Variants in EXOC4 observed in about 807,000 individuals in gnomAD.
EXOC4 encodes exocyst complex component 4.
EXOC4 carries 71 observed loss-of-function variants against 107.2 expected under a neutral mutation model. That is an observed-to-expected ratio of 0.66 (90% confidence interval 0.55 to 0.81). The LOEUF is 0.81. EXOC4 is among the 30% of genes least tolerant of loss of function. The pLI is 0.00. For synonymous variants in EXOC4, 456 were observed against 441.2 expected (o/e 1.03, Z -0.42); for missense variants, 1,108 against 1,189.6 (o/e 0.93, Z 1.01).
intron 1 of EXOC4, among the ~76,000 whole-genome samples, chr7:133,255,272 G>A (rs751522576): frequency 3.9e-5 from 6 of 151,966 alleles, no homozygotes; most frequent in South Asian, 2.1e-4. Flanking sequence ...CGCCTCCCAG[G>A]TTCAAGTGAT....
At chr7:133,776,600 A>G (rs1032850205) in intron 10 of EXOC4, among the ~76,000 whole-genome samples, 16 of 152,156 alleles carry the variant, frequency 1.1e-4, no homozygotes, top group African/African-American at 3.9e-4. Flanking sequence ...AATTTTTTAG[A>G]TCATGGGTAA....
At chr7:133,851,897 T>A (rs1315327578) in intron 11 of EXOC4, among the ~76,000 whole-genome samples, 1 of 152,192 alleles carries the variant, frequency 6.6e-6, no homozygotes, top group Non-Finnish European at 1.5e-5. Context: ...TACATTATAC[T>A]GCTGTTAGTC....
intron 10 of EXOC4, among the ~76,000 whole-genome samples, chr7:133,796,594 C>T (rs1205010197): frequency 6.6e-6 from 1 of 152,000 alleles, no homozygotes; most frequent in African/African-American, 2.4e-5. Context: ...CCCATCTCTA[C>T]AAAAAATATA....
At chr7:133,490,493 A>G (rs149653901) in intron 9 of EXOC4, among the ~76,000 whole-genome samples, 21 of 152,340 alleles carry the variant, frequency 1.4e-4, no homozygotes, top group African/African-American at 4.3e-4. Flanking sequence ...AATTGAGGCA[A>G]GCATTTCAGG....
intron 2 of EXOC4, among the ~76,000 whole-genome samples, chr7:133,282,565 T>C (rs1003197107): frequency 6.6e-6 from 1 of 152,230 alleles, no homozygotes; most frequent in African/African-American, 2.4e-5. Context: ...TCAGTGTAAT[T>C]TGATACTTTT....
intron 7 of EXOC4, among the ~76,000 whole-genome samples, chr7:133,427,688 G>A (rs879365032): frequency 4.6e-5 from 7 of 152,174 alleles, no homozygotes; most frequent in African/African-American, 1.2e-4. Flanking sequence ...TCTTGCTTTT[G>A]CATGAACTCT....
intron 7 of EXOC4, among the ~76,000 whole-genome samples, chr7:133,377,290 G>C (rs1376957776): frequency 1.3e-5 from 2 of 152,154 alleles, no homozygotes; most frequent in African/African-American, 4.8e-5. Context: ...GGAGGTGGAG[G>C]TTGCAGTGAG....
At chr7:133,307,858 C>T (rs1259050707) in intron 4 of EXOC4, among the ~76,000 whole-genome samples, 2 of 152,194 alleles carry the variant, frequency 1.3e-5, no homozygotes, top group African/African-American at 4.8e-5. Flanking sequence ...GCAGACCTGC[C>T]TAGCCTGCAT....
intron 5 of EXOC4, among the ~76,000 whole-genome samples, chr7:133,338,940 C>A (rs980409053): frequency 2.0e-4 from 30 of 152,018 alleles, no homozygotes; most frequent in African/African-American, 6.7e-4. Flanking sequence ...TTATTAGGGA[C>A]TGGGTTTCTC....
chr7:133,381,286 A>G (rs1402275397), intron 7 of EXOC4, among the ~76,000 whole-genome samples: 3 of 152,124 alleles, frequency 2.0e-5, no homozygotes, highest in Admixed American at 6.6e-5. Flanking sequence ...ATACCCATCA[A>G]TAACCTAGAT....
intron 17 of EXOC4, among the ~76,000 whole-genome samples, chr7:134,028,609 G>A (rs1162475796): frequency 6.6e-6 from 1 of 152,192 alleles, no homozygotes; most frequent in South Asian, 2.1e-4. Flanking sequence ...CTAGCAATGG[G>A]CATGGTGCCA....
At chr7:133,333,761 T>G (rs1795446831) in intron 5 of EXOC4, among the ~76,000 whole-genome samples, 1 of 152,220 alleles carries the variant, frequency 6.6e-6, no homozygotes, top group Admixed American at 6.5e-5. Context: ...CCACTGCAGT[T>G]CAGCTGAGCC....
intron 1 of EXOC4, among the ~76,000 whole-genome samples, chr7:133,263,371 ATTCTTTTTTTTTT>A (rs1793625785): frequency 3.8e-5 from 5 of 131,648 alleles, no homozygotes. Flanking sequence ...TTAAAAAAGC[ATTCTTTTTTTTTT>A]TTTTTTTTTT....
intron 11 of EXOC4, among the ~76,000 whole-genome samples, chr7:133,857,153 T>C (rs1457670347): frequency 4.9e-4 from 1 of 2,042 alleles, no homozygotes; most frequent in Non-Finnish European, 1.0e-3. Flanking sequence ...TACACGTATA[T>C]ATATATATAT....
chr7:133,481,427 A>G (rs1799154615), intron 9 of EXOC4, among the ~76,000 whole-genome samples: 1 of 152,166 alleles, frequency 6.6e-6, no homozygotes, highest in African/African-American at 2.4e-5. Flanking sequence ...AGCATTTTGC[A>G]GTGACTGGCC....
intron 14 of EXOC4, among the ~76,000 whole-genome samples, chr7:133,943,543 C>T (rs1262561771): frequency 6.6e-6 from 1 of 152,118 alleles, no homozygotes; most frequent in Non-Finnish European, 1.5e-5. Flanking sequence ...ATTCTGTTGT[C>T]CCAGCGTATC....
chr7:133,871,954 T>C (rs143678020), intron 11 of EXOC4, among the ~76,000 whole-genome samples: 1 of 152,218 alleles, frequency 6.6e-6, no homozygotes, highest in Admixed American at 6.5e-5. Flanking sequence ...TAAACACTTA[T>C]ATTTGTCATC....
rs570934204 is a variant in EXOC4, at chr7:133,712,285, C to T, written c.1514+82144C>T. 4.6e-5 allele frequency among the ~76,000 whole-genome samples: 7 copies of T among 151,736 alleles called. No individual in the cohort carries two copies. The South Asian group carries it at 8.4e-4, about 18-fold the overall frequency. ...AGAAACTCCATCTCTACTAAAAATACGAAATTAGCTGGGCATGGTGGTACA... is the reference window on the plus strand; with the variant it reads ...AGAAACTCCATCTCTACTAAAAATATGAAATTAGCTGGGCATGGTGGTACA... On this transcript the variant is annotated intron_variant, in intron 10 of 17. Transcript: ENST00000253861.
At chr7:134,011,359 C>T (rs1794758487) in intron 17 of EXOC4, among the ~76,000 whole-genome samples, 1 of 152,156 alleles carries the variant, frequency 6.6e-6, no homozygotes, top group African/African-American at 2.4e-5. Flanking sequence ...CCAGAGTTTT[C>T]TTCCCAGTTC....
Sources: allele counts gnomAD v4.1 joint callset (sites outside exome capture counted in the v4.1 genomes callset), GRCh38; gene constraint gnomAD v4.1.1; transcripts MANE v1.5; gene names NCBI Gene and HGNC (gene_info 2026-07-23, HGNC 2026-07-21).